The following PCDHGA1 variants were observed in gnomAD, a reference collection of about 807,000 sequenced individuals.
PCDHGA1 encodes protocadherin gamma-A1.
Under a neutral mutation model 58.0 loss-of-function variants are expected in PCDHGA1, and 32 were observed. The ratio of observed to expected loss-of-function variants is 0.55; its 90% CI spans 0.42 to 0.74. The LOEUF (loss-of-function observed/expected upper bound fraction) is 0.74. Ranked by LOEUF, PCDHGA1 falls within the 30% of genes least tolerant of loss-of-function variation. The probability of loss-of-function intolerance (pLI) is 0.00; values close to 1 mark genes in which losing one functional copy is unlikely to be tolerated. For synonymous variants in PCDHGA1, 498 were observed against 501.1 expected, an observed-to-expected ratio of 0.99 and a Z score of 0.08; for missense variants, 1,205 against 1,182.3, an observed-to-expected ratio of 1.02 and a Z score of -0.28.
chr5:141,394,419 G>A, intron 1 of PCDHGA1: 1 of 1,614,224 alleles, frequency 6.2e-7, no homozygotes, highest in Non-Finnish European at 8.5e-7. Context: ...AACAGCCAGC[G>A]ACAGCGGGGA....
At chr5:141,416,033 C>T (rs770398549) in intron 1 of PCDHGA1, 22 of 202,600 alleles carry the variant, frequency 1.1e-4, no homozygotes, top group Non-Finnish European at 1.9e-4. Flanking sequence ...AAAGAAATCA[C>T]CTCTGGAAAC....
At chr5:141,500,699 A>G (rs780869966) in intron 2 of PCDHGA1, among the ~76,000 whole-genome samples, 1 of 152,156 alleles carries the variant, frequency 6.6e-6, no homozygotes, top group Non-Finnish European at 1.5e-5. Context: ...TCTTCTTTGC[A>G]GTGTATCATG....
intron 1 of PCDHGA1, chr5:141,475,885 A>G (rs1593590954): frequency 1.8e-6 from 1 of 556,524 alleles, no homozygotes. Flanking sequence ...ATTGGCTGGG[A>G]CTCTGTGTGC....
At chr5:141,467,901 C>T (rs1484485803) in intron 1 of PCDHGA1, among the ~76,000 whole-genome samples, 7 of 152,034 alleles carry the variant, frequency 4.6e-5, no homozygotes, top group Admixed American at 1.3e-4. Flanking sequence ...TCAAGAAATC[C>T]GCCCACCTCA....
chr5:141,343,457 A>C, intron 1 of PCDHGA1: 3 of 805,466 alleles, frequency 3.7e-6, no homozygotes, highest in Non-Finnish European at 4.5e-6. Context: ...ATCAAGGTTC[A>C]GTGGTGGAAG....
rs767287109 is a variant in PCDHGA1 at position 141,332,083 on chromosome 5, AGAG to A, written c.1403_1405del (p.Gly468del). The A allele has an allele frequency of 1.2e-6, 2 of 1,614,012 alleles. No homozygotes were observed. The highest frequency in any genetic ancestry group is 2.7e-5 in the African/African-American group (2 of 74,904). ...TGCCTACATTCCCGAAAACAACCCC[AGAG>A]GAGCCTCCATCTTCTCTGTGAGGGC... On this transcript the variant is annotated inframe_deletion, in exon 1 of 4. Coordinates refer to ENST00000517417, the MANE Select transcript of PCDHGA1 (RefSeq NM_018912.3). This position sits in a 1 kb window ranked among gnomAD's most constrained non-coding sequence, Gnocchi z 4.6.
At chr5:141,374,094 C>T (rs544125570) in intron 1 of PCDHGA1, 19 of 1,555,744 alleles carry the variant, frequency 1.2e-5, no homozygotes, top group Non-Finnish European at 1.7e-5. Flanking sequence ...ATGGCGCCTC[C>T]GCAGAGGCAT....
chr5:141,403,419 A>G, intron 1 of PCDHGA1: 1 of 1,614,050 alleles, frequency 6.2e-7, no homozygotes, highest in Non-Finnish European at 8.5e-7. Context: ...CCACTTCCAG[A>G]AGCTATTGAT....
At chr5:141,351,931 G>C in intron 1 of PCDHGA1, 2 of 1,613,280 alleles carry the variant, frequency 1.2e-6, no homozygotes, top group Non-Finnish European at 1.7e-6. Flanking sequence ...ATGCGCCACG[G>C]GTGCTGTACC....
At chr5:141,343,724 T>C in intron 1 of PCDHGA1, 1 of 247,334 alleles carries the variant, frequency 4.0e-6, no homozygotes, top group Non-Finnish European at 7.6e-6. Flanking sequence ...AGATCTTGGA[T>C]AATTCAAAAA....
At chr5:141,402,221 G>T (rs567791316) in intron 1 of PCDHGA1, among the ~76,000 whole-genome samples, 1 of 151,824 alleles carries the variant, frequency 6.6e-6, no homozygotes, top group East Asian at 1.9e-4. Flanking sequence ...TAAAATAAAC[G>T]TTTTTCCAGG....
chr5:141,345,309 G>A lies in PCDHGA1; in HGVS notation c.2421+12204G>A, dbSNP rs373514702. 3.1e-6 allele frequency: 5 copies of A among 1,613,854 alleles called. No homozygotes were observed. Among genetic ancestry groups the A allele is most frequent in the Non-Finnish European group, 4.2e-6 (5 of 1,179,894 alleles). On this transcript the variant is annotated intron_variant, in intron 1 of 3. Coordinates refer to ENST00000517417, the MANE Select transcript of PCDHGA1 (RefSeq NM_018912.3). ...ATATAACATTAGTCTGAGAGCCTCA[G>A]ATGGGGGAAGCCCGCCACTGTCCAC...
chr5:141,348,217 T>C (rs1156609144), intron 1 of PCDHGA1, among the ~76,000 whole-genome samples: 1 of 152,160 alleles, frequency 6.6e-6, no homozygotes, highest in East Asian at 1.9e-4. Flanking sequence ...CTCAATATAT[T>C]AGGAAAAGGC....
intron 1 of PCDHGA1, chr5:141,404,355 G>A (rs1170833341): frequency 6.2e-7 from 1 of 1,613,896 alleles, no homozygotes; most frequent in Admixed American, 1.7e-5. Flanking sequence ...AACGCCAGAG[G>A]TACTTCCATC....
chr5:141,415,961 C>T, intron 1 of PCDHGA1: 1 of 438,836 alleles, frequency 2.3e-6, no homozygotes, highest in Non-Finnish European at 3.6e-6. Context: ...TATTGAAACT[C>T]CAGCCCCTTA....
intron 1 of PCDHGA1, among the ~76,000 whole-genome samples, chr5:141,353,714 T>C (rs1759366304): frequency 6.6e-6 from 1 of 152,272 alleles, no homozygotes; most frequent in Non-Finnish European, 1.5e-5. Flanking sequence ...GTTTCTTTAG[T>C]GTAGATTTCT....
intron 1 of PCDHGA1, among the ~76,000 whole-genome samples, chr5:141,348,319 A>G (rs1758096305): frequency 6.6e-6 from 1 of 152,186 alleles, no homozygotes; most frequent in South Asian, 2.1e-4. Flanking sequence ...TACATCACAG[A>G]ATTTAAAAGG....
intron 1 of PCDHGA1, among the ~76,000 whole-genome samples, chr5:141,454,353 A>G (rs2098787486): frequency 1.3e-5 from 2 of 152,238 alleles, no homozygotes; most frequent in Non-Finnish European, 2.9e-5. Context: ...AGTTGATCCA[A>G]ACTTAGAAAG....
At chr5:141,399,341 C>T in intron 1 of PCDHGA1, 2 of 1,613,938 alleles carry the variant, frequency 1.2e-6, no homozygotes, top group Non-Finnish European at 1.7e-6. Context: ...ACAGATGGAA[C>T]CCTAGACCGA....
Sources: allele counts gnomAD v4.1 joint callset (sites outside exome capture counted in the v4.1 genomes callset), GRCh38; gene constraint gnomAD v4.1.1; non-coding constraint Gnocchi (gnomAD v3.1); transcripts MANE v1.5; gene names NCBI Gene and HGNC (gene_info 2026-07-23, HGNC 2026-07-21).